CTNNA3: variants seen among roughly 807,000 people sequenced by gnomAD.
The protein encoded by CTNNA3 is catenin alpha-3.
In CTNNA3, 76 loss-of-function variants were observed where a neutral mutation model predicts 95.7. That is an observed-to-expected ratio of 0.79 (90% confidence interval 0.66 to 0.96). CTNNA3 has a LOEUF of 0.96. CTNNA3 is among the 40% of genes least tolerant of loss of function. CTNNA3 has a pLI of 0.00. For missense variants in CTNNA3, 1,191 were observed against 1,089.8 expected, an observed-to-expected ratio of 1.09 and a Z score of -1.31; for synonymous variants, 431 against 374.4, an observed-to-expected ratio of 1.15 and a Z score of -1.74.
At chr10:67,636,598 G>A (rs1839320600) in intron 2 of CTNNA3, among the ~76,000 whole-genome samples, 2 of 152,150 alleles carry the variant, frequency 1.3e-5, no homozygotes, top group African/African-American at 2.4e-5. Context: ...AAATAGTGCT[G>A]GGAGAACTGG....
chr10:65,918,096 A>G lies in CTNNA3; in HGVS notation c.*2234T>C, dbSNP rs1391968132. ...AAAATCTGCCTGGGTTAAAGAGGAGAACTTGTTCACATCTCACTTTGGGTA... is the reference window on the plus strand; with the variant it reads ...AAAATCTGCCTGGGTTAAAGAGGAGGACTTGTTCACATCTCACTTTGGGTA... On this transcript the variant is annotated 3_prime_UTR_variant, in exon 18 of 18. Transcript: ENST00000433211. The G allele has an allele frequency of 6.6e-6, 1 of 152,066 alleles. No homozygotes were observed. The allele number at this position is 152,066 out of a possible 1,614,324, so 9.4% of individuals were successfully genotyped here. A position where few individuals can be genotyped will look rare whatever the true frequency, so the allele number is the denominator to read the frequency against.
chr10:67,183,351 A>T (rs1038897239), intron 6 of CTNNA3, among the ~76,000 whole-genome samples: 1 of 152,220 alleles, frequency 6.6e-6, no homozygotes, highest in Non-Finnish European at 1.5e-5. Context: ...ATGGAATACT[A>T]TGCAGCCATA....
intron 13 of CTNNA3, among the ~76,000 whole-genome samples, chr10:66,148,506 A>G (rs909105107): frequency 6.6e-6 from 1 of 152,050 alleles, no homozygotes; most frequent in African/African-American, 2.4e-5. Flanking sequence ...TAGTGCCCTT[A>G]TCAAAGTGAC....
In CTNNA3 at chr10:67,121,981, CAAAAAAAAAAA is replaced by C. The variant is rs370358378; in HGVS notation, c.1047+58325_1047+58335del. On this transcript the variant is annotated intron_variant, in intron 7 of 17. Coordinates refer to ENST00000433211, the MANE Select transcript of CTNNA3 (RefSeq NM_013266.4). ...CGCTCTTAGCCAACATTATTCTGAG[CAAAAAAAAAAA>C]AAAAAAAAAAAAAAAAGCTGAGGGC... 1.7e-4 allele frequency among the ~76,000 whole-genome samples: 8 copies of C among 47,152 alleles called. No individual in the cohort carries two copies. In the South Asian group the frequency reaches 3.4e-3, roughly 20 times the overall value. The allele number at this position is 47,152 out of a possible 152,430, so 30.9% of individuals were successfully genotyped here. A position where few individuals can be genotyped will look rare whatever the true frequency, so the allele number is the denominator to read the frequency against.
At chr10:66,225,033 C>T (rs181729620) in intron 13 of CTNNA3, among the ~76,000 whole-genome samples, 9 of 151,920 alleles carry the variant, frequency 5.9e-5, no homozygotes, top group Non-Finnish European at 7.4e-5. Context: ...CATTTCTTTG[C>T]GCTAGGAACA....
chr10:67,298,947 A>C (rs530991887), intron 5 of CTNNA3, among the ~76,000 whole-genome samples: 85 of 152,032 alleles, frequency 5.6e-4, no homozygotes, highest in African/African-American at 1.9e-3. Flanking sequence ...TTTTAGACGA[A>C]GTCTTGCTCT....
At chr10:67,657,397 G>A (rs1190949874) in intron 1 of CTNNA3, among the ~76,000 whole-genome samples, 2 of 152,164 alleles carry the variant, frequency 1.3e-5, no homozygotes, top group African/African-American at 4.8e-5. Flanking sequence ...TAGATACAAT[G>A]AGACTACCAA....
chr10:66,150,448 A>G (rs534430046), intron 13 of CTNNA3, among the ~76,000 whole-genome samples: 3 of 152,128 alleles, frequency 2.0e-5, no homozygotes, highest in Admixed American at 2.0e-4. Flanking sequence ...GCCAAAATAT[A>G]TCTATTATGG....
At chr10:66,286,370 G>C (rs1391560499) in intron 12 of CTNNA3, among the ~76,000 whole-genome samples, 1 of 151,782 alleles carries the variant, frequency 6.6e-6, no homozygotes, top group Non-Finnish European at 1.5e-5. Context: ...GGATTACTTT[G>C]ATTTTTTAAA....
In CTNNA3 at chr10:67,657,810, GCACTC is replaced by G. The variant is rs1840066788; in HGVS notation, c.-5-10297_-5-10293del. ...TGCAGTGAGCTGAGATCACGCCATT[GCACTC>G]CAGCCTGGGCAACAACAGTGAAATT... On this transcript the variant is annotated intron_variant, in intron 1 of 17. Transcript: ENST00000433211. Among the ~76,000 whole-genome samples the G allele has an allele frequency of 4.5e-5, 6 of 133,414 alleles. No homozygotes were observed. The South Asian group carries it at 1.4e-3, about 31-fold the overall frequency. 87.5% of individuals were successfully genotyped at this position (133,414 alleles called of 152,430 possible).
chr10:67,423,902 A>G (rs900224983), intron 5 of CTNNA3, among the ~76,000 whole-genome samples: 6 of 152,166 alleles, frequency 3.9e-5, no homozygotes, highest in Non-Finnish European at 7.4e-5. Flanking sequence ...CCTCAAAATA[A>G]TAACTGATAG....
intron 5 of CTNNA3, among the ~76,000 whole-genome samples, chr10:67,424,765 A>C (rs1366397282): frequency 6.6e-6 from 1 of 152,066 alleles, no homozygotes; most frequent in Non-Finnish European, 1.5e-5. Flanking sequence ...TCATCGACTA[A>C]ATTGTAAGTT....
At chr10:67,205,548 C>G (rs1039553168) in intron 6 of CTNNA3, among the ~76,000 whole-genome samples, 1 of 152,108 alleles carries the variant, frequency 6.6e-6, no homozygotes, top group African/African-American at 2.4e-5. Context: ...AGCTCAATTT[C>G]CTTTCCATAA....
chr10:66,618,773 A>G (rs1328168533), intron 10 of CTNNA3, among the ~76,000 whole-genome samples: 1 of 152,072 alleles, frequency 6.6e-6, no homozygotes, highest in Non-Finnish European at 1.5e-5. Context: ...GTGAACAGGC[A>G]ACCTACAAAA....
intron 11 of CTNNA3, among the ~76,000 whole-genome samples, chr10:66,450,573 A>C (rs971743882): frequency 1.3e-5 from 2 of 152,148 alleles, no homozygotes; most frequent in African/African-American, 4.8e-5. Flanking sequence ...AGAATATAAC[A>C]AGAAATTGCA....
At chr10:67,554,021 G>T (rs990238318) in intron 3 of CTNNA3, among the ~76,000 whole-genome samples, 1 of 152,058 alleles carries the variant, frequency 6.6e-6, no homozygotes, top group African/African-American at 2.4e-5. Context: ...TTGGTTTTCT[G>T]TCCTTGTGAT....
chr10:67,228,811 C>T (rs1459886326), intron 5 of CTNNA3, among the ~76,000 whole-genome samples: 3 of 152,022 alleles, frequency 2.0e-5, no homozygotes, highest in East Asian at 3.9e-4. Flanking sequence ...TAACAAGCAG[C>T]GAGATTGAAA....
chr10:67,392,629 C>A (rs555930518), intron 5 of CTNNA3, among the ~76,000 whole-genome samples: 19 of 152,318 alleles, frequency 1.2e-4, no homozygotes, highest in African/African-American at 4.6e-4. Flanking sequence ...CGGCACTCTT[C>A]ACAAGAGCAA....
chr10:65,972,231 T>C (rs1294216747), intron 16 of CTNNA3, among the ~76,000 whole-genome samples: 2 of 151,990 alleles, frequency 1.3e-5, no homozygotes, highest in African/African-American at 4.8e-5. Flanking sequence ...CTGAAACCAA[T>C]CTCTACTTGA....
Sources: gnomAD v4.1 joint callset for allele counts (sites outside exome capture counted in the v4.1 genomes callset) on GRCh38, gnomAD v4.1.1 for gene constraint, MANE v1.5 for transcripts, NCBI Gene and HGNC (gene_info 2026-07-23, HGNC 2026-07-21) for gene names.